CEP63: variants seen among roughly 807,000 people sequenced by gnomAD.
CEP63 encodes the protein centrosomal protein of 63 kDa.
CEP63 carries 84 observed loss-of-function variants against 89.1 expected under a neutral mutation model. That is an observed-to-expected ratio of 0.94 (90% CI 0.79 to 1.13). The LOEUF is 1.13. CEP63 is among the 50% of genes most tolerant of loss of function. The probability of loss-of-function intolerance (pLI) is 0.00; values close to 1 mark genes in which losing one functional copy is unlikely to be tolerated. For synonymous variants in CEP63, 267 were observed against 272.5 expected, an observed-to-expected ratio of 0.98 and a Z score of 0.20; for missense variants, 838 against 813.3, an observed-to-expected ratio of 1.03 and a Z score of -0.37.
chr3:134,569,927 T>TG (rs1370903978), downstream of CEP63, among the ~76,000 whole-genome samples: 1 of 152,226 alleles, frequency 6.6e-6, no homozygotes, highest in African/African-American at 2.4e-5. Context: ...TCTACACACT[T>TG]GCAGGACTAA....
At chr3:134,730,841 A>G in the CEP63 span, among the ~76,000 whole-genome samples, 1 of 152,130 alleles carries the variant, frequency 6.6e-6, no homozygotes, top group Admixed American at 6.5e-5. Flanking sequence ...TTAAATTTTA[A>G]AACTCATTAT....
At chr3:134,542,716 A>C (rs1278568126) in intron 6 of CEP63, among the ~76,000 whole-genome samples, 1 of 152,106 alleles carries the variant, frequency 6.6e-6, no homozygotes, top group Non-Finnish European at 1.5e-5. Context: ...CCCACTCCCC[A>C]ATTTCTTCTC....
intron 12 of CEP63, chr3:134,553,652 G>A (rs1028953769): frequency 5.9e-5 from 9 of 152,160 alleles, no homozygotes; most frequent in African/African-American, 2.2e-4. Context: ...GCCAGTGTTA[G>A]AAAGATGTAA....
Position 134,545,821 on chromosome 3 carries a change from T to C in CEP63, c.789+2T>C, listed in dbSNP as rs765929512. 6.2e-7 allele frequency: 1 copy of C among 1,600,990 alleles called. No homozygotes were observed. On this transcript the variant is annotated splice_donor_variant, in intron 7 of 14. Transcript: ENST00000675561. LOFTEE classifies it high-confidence loss of function. ...AGGGAATCTGAAAAACTATTAGAGG[T>C]ATGTTTTAAAATCACTATAATTGGG... is the stretch of plus-strand genomic sequence containing the variant.
chr3:134,688,657 G>A, the CEP63 span, among the ~76,000 whole-genome samples: 8 of 152,206 alleles, frequency 5.3e-5, no homozygotes, highest in Admixed American at 1.3e-4. Context: ...AGGGAACTGA[G>A]ATAATCTGGG....
At chr3:134,685,414 T>C in the CEP63 span, among the ~76,000 whole-genome samples, 1 of 152,174 alleles carries the variant, frequency 6.6e-6, no homozygotes, top group Non-Finnish European at 1.5e-5. Context: ...ACCCCTTGTA[T>C]GGGATTCTTA....
At chr3:134,672,135 A>C in the CEP63 span, among the ~76,000 whole-genome samples, 1 of 152,226 alleles carries the variant, frequency 6.6e-6, no homozygotes. Context: ...TGATTATATC[A>C]TTGGCCACCA....
Position 134,545,698 on chromosome 3 carries a change from A to G in CEP63, c.668A>G (p.Asn223Ser), listed in dbSNP as rs140583017. 8.2e-4 allele frequency: 1,323 copies of G among 1,614,024 alleles called. 1 individual carries two copies. The highest frequency in any genetic ancestry group is 1.1e-3 in the Non-Finnish European group (1,280 of 1,180,020). ...CGGGCTAATGACACTATCTGTGCCAATGAGTTGGAAATAGAGCGCCTCACC... is the reference window on the plus strand; with the variant it reads ...CGGGCTAATGACACTATCTGTGCCAGTGAGTTGGAAATAGAGCGCCTCACC... Reference protein sequence around the residue: ...LERANDTICANELEIERLTMR... With the variant: ...LERANDTICASELEIERLTMR... The change falls in exon 7 of 15, where the codon AAT becomes AGT. Residue 223 changes from asparagine to serine, a missense_variant. Asn to Ser is a conservative substitution (Grantham distance 46). Transcript: ENST00000675561.
chr3:134,512,632 T>C (rs2108558450), intron 3 of CEP63, among the ~76,000 whole-genome samples: 1 of 152,338 alleles, frequency 6.6e-6, no homozygotes, highest in East Asian at 1.9e-4. Context: ...TTTCAAGCCT[T>C]TAACTCTTTC....
chr3:134,604,582 G>A, the CEP63 span: 1 of 933,864 alleles, frequency 1.1e-6, no homozygotes, highest in Non-Finnish European at 1.6e-6. Context: ...GACTTATAGA[G>A]CTTGTCTATT....
chr3:134,776,517 C>A, the CEP63 span, among the ~76,000 whole-genome samples: 1 of 152,122 alleles, frequency 6.6e-6, no homozygotes, highest in Admixed American at 6.5e-5. Flanking sequence ...CTAATGGCTG[C>A]TGCATTGTGT....
the CEP63 span, among the ~76,000 whole-genome samples, chr3:134,604,642 A>G: frequency 6.6e-6 from 1 of 152,092 alleles, no homozygotes; most frequent in Non-Finnish European, 1.5e-5. Flanking sequence ...AACCAATATG[A>G]CTTCACTGAG....
chr3:134,726,247 G>T, the CEP63 span, among the ~76,000 whole-genome samples: 1 of 152,086 alleles, frequency 6.6e-6, no homozygotes, highest in Admixed American at 6.5e-5. Context: ...CAGAGCTCTG[G>T]TTTCACACAC....
the CEP63 span, among the ~76,000 whole-genome samples, chr3:134,696,480 G>A: frequency 1.3e-5 from 2 of 152,136 alleles, no homozygotes; most frequent in Admixed American, 6.5e-5. Flanking sequence ...GACTACATGC[G>A]GCATCCTGAG....
At chr3:134,651,052 G>C in the CEP63 span, 1 of 1,563,722 alleles carries the variant, frequency 6.4e-7, no homozygotes, top group South Asian at 1.2e-5. Flanking sequence ...CCCCACACGG[G>C]AGAGGGCGAG....
chr3:134,583,535 C>T (rs1423612312), intron 10 of CEP63, among the ~76,000 whole-genome samples: 1 of 151,990 alleles, frequency 6.6e-6, no homozygotes, highest in South Asian at 2.1e-4. Context: ...TTCCATTGGT[C>T]TATATATCTG....
chr3:134,495,002 C>T (rs942908579), intron 1 of CEP63, among the ~76,000 whole-genome samples: 3 of 152,178 alleles, frequency 2.0e-5, no homozygotes, highest in Non-Finnish European at 2.9e-5. Flanking sequence ...CCCACCTCCA[C>T]CCCTGCTCAC....
chr3:134,521,397 T>C (rs889526737), intron 3 of CEP63, among the ~76,000 whole-genome samples: 1 of 152,118 alleles, frequency 6.6e-6, no homozygotes, highest in Non-Finnish European at 1.5e-5. Context: ...TTTTCAGTAG[T>C]AGAAGATACA....
At chr3:134,657,752 T>C in the CEP63 span, among the ~76,000 whole-genome samples, 40 of 152,186 alleles carry the variant, frequency 2.6e-4, no homozygotes, top group South Asian at 1.4e-3. Flanking sequence ...AAATGTCAAA[T>C]TGCCTTCCAG....
Sources: allele counts gnomAD v4.1 joint callset (sites outside exome capture counted in the v4.1 genomes callset), GRCh38; gene constraint gnomAD v4.1.1; transcripts MANE v1.5; gene names NCBI Gene and HGNC (gene_info 2026-07-23, HGNC 2026-07-21).